The following CD247 variants were observed in gnomAD, a reference collection of about 807,000 sequenced individuals.
The protein encoded by CD247 is CD247 molecule, also known as T-cell surface glycoprotein CD3 zeta chain.
A neutral mutation model predicts 30.0 loss-of-function variants in CD247; 13 were observed. The observed-to-expected ratio is 0.43, with a 90% CI of 0.28 to 0.69. CD247 has a LOEUF of 0.69. Among genes scored for constraint, CD247 ranks in the 30% least tolerant of loss-of-function variants. The pLI is 0.16. For missense variants in CD247, 193 were observed against 212.6 expected (o/e 0.91, Z 0.57); for synonymous variants, 72 against 80.0 (o/e 0.90, Z 0.53).
intron 1 of CD247, among the ~76,000 whole-genome samples, chr1:167,491,438 C>G (rs1654446547): frequency 6.6e-6 from 1 of 152,084 alleles, no homozygotes; most frequent in South Asian, 2.1e-4. Flanking sequence ...CATGGTGGCC[C>G]ATGCCTGTAA....
At chr1:167,468,167 G>T (rs530366425) in intron 1 of CD247, among the ~76,000 whole-genome samples, 1 of 150,842 alleles carries the variant, frequency 6.6e-6, no homozygotes, top group East Asian at 1.9e-4. Flanking sequence ...AAGATTTCCA[G>T]TAAAAAAAAA....
At chr1:167,438,425 G>T in intron 4 of CD247, 145 bp downstream of exon 4, 1 of 740,272 alleles carries the variant, frequency 1.4e-6, no homozygotes, top group South Asian at 1.5e-5. Context: ...GGCAGCAAGT[G>T]GGTCTCCATC....
At chr1:167,485,402 A>G (rs1214402117) in intron 1 of CD247, among the ~76,000 whole-genome samples, 3 of 152,182 alleles carry the variant, frequency 2.0e-5, no homozygotes, top group Non-Finnish European at 2.9e-5. Context: ...ACATTGCAGA[A>G]GGAGAAGGAC....
intron 1 of CD247, among the ~76,000 whole-genome samples, chr1:167,445,869 A>G (rs1017129707): frequency 4.6e-5 from 7 of 152,104 alleles, no homozygotes; most frequent in African/African-American, 1.7e-4. Flanking sequence ...GGACTTACTC[A>G]CATCCAACTA....
chr1:167,458,587 AAG>A (rs1652826590), intron 1 of CD247: 1 of 151,964 alleles, frequency 6.6e-6, no homozygotes, highest in Non-Finnish European at 1.5e-5. Context: ...CTCATCTTTC[AAG>A]GCTCGGCTCA....
rs370501731 is a variant in CD247, at chr1:167,491,359, G to A, written c.58+27049C>T. Among the ~76,000 whole-genome samples, 59 of 152,106 alleles carry A rather than the reference G, an allele frequency of 3.9e-4. No homozygotes were observed. The South Asian group carries it at 8.5e-3, about 22-fold the overall frequency. On this transcript the variant is annotated intron_variant, in intron 1 of 7. Coordinates refer to ENST00000362089, the MANE Select transcript of CD247 (RefSeq NM_198053.3). The stretch of plus-strand genomic sequence containing the variant: ...CAAGGCGAGTGGATCACCTGAGGTC[G>A]GGAGTTCGAGACCAGCCTGACCAAC...
At position 167,433,039 on chromosome 1, in the gene CD247, G is replaced by T; in HGVS notation, c.414C>A (p.His138Gln). 1 of 1,614,206 alleles carries T rather than the reference G, an allele frequency of 6.2e-7. No homozygotes were observed. Among genetic ancestry groups the T allele is most frequent in the Non-Finnish European group, 8.5e-7 (1 of 1,180,026 alleles). ...CAGCTCCTACCTGGTAAAGGCCATCGTGCCCCTTGCCCCTCCGGCGCTGGT... is the reference window on the plus strand; with the variant it reads ...CAGCTCCTACCTGGTAAAGGCCATCTTGCCCCTTGCCCCTCCGGCGCTGGT... ...MKGERRRGKGHDGLYQGLSTA... is the reference protein window; with the variant it reads ...MKGERRRGKGQDGLYQGLSTA... The change falls in exon 7 of 8, where the codon CAC becomes CAA. Residue 138 changes from histidine (H) to glutamine (Q), a missense_variant. Coordinates refer to ENST00000362089, the MANE Select transcript of CD247 (RefSeq NM_198053.3).
chr1:167,437,295 C>T (rs549882069), intron 4 of CD247, among the ~76,000 whole-genome samples: 1 of 152,146 alleles, frequency 6.6e-6, no homozygotes, highest in Non-Finnish European at 1.5e-5. Context: ...ATCCCAGCTA[C>T]TCGGGAGGCT....
chr1:167,440,577 C>T (rs1651780442), intron 2 of CD247, 87 bp downstream of exon 2: 1 of 877,090 alleles, frequency 1.1e-6, no homozygotes, highest in Non-Finnish European at 1.9e-6. Flanking sequence ...ACCACCCGAG[C>T]TTGAGACCTT....
At chr1:167,432,537 G>T (rs2101984651) in intron 7 of CD247, among the ~76,000 whole-genome samples, 1 of 152,300 alleles carries the variant, frequency 6.6e-6, no homozygotes, top group East Asian at 1.9e-4. Context: ...TTGCATAATT[G>T]CCTGCACTGA....
intron 7 of CD247, among the ~76,000 whole-genome samples, chr1:167,432,252 TGTTTTCTTG>T (rs1468871027): frequency 7.9e-5 from 12 of 152,192 alleles, no homozygotes. Context: ...GTGATTCTAG[TGTTTTCTTG>T]GTCACGAACA....
At chr1:167,450,053 T>A (rs1652282555) in intron 1 of CD247, among the ~76,000 whole-genome samples, 1 of 152,252 alleles carries the variant, frequency 6.6e-6, no homozygotes, top group Non-Finnish European at 1.5e-5. Flanking sequence ...ATATCCTTTT[T>A]AAAGGTTGCC....
intron 1 of CD247, among the ~76,000 whole-genome samples, chr1:167,479,935 C>T (rs544876170): frequency 6.6e-6 from 1 of 152,080 alleles, no homozygotes; most frequent in South Asian, 2.1e-4. Flanking sequence ...TGCAGAGCCA[C>T]ATTTTCTACT....
chr1:167,495,979 T>A (rs1654674270), intron 1 of CD247, among the ~76,000 whole-genome samples: 1 of 152,260 alleles, frequency 6.6e-6, no homozygotes, highest in African/African-American at 2.4e-5. Flanking sequence ...TTTTTCAGTT[T>A]ACCTCGTTTA....
intron 1 of CD247, among the ~76,000 whole-genome samples, chr1:167,455,475 C>T (rs972734047): frequency 1.2e-4 from 19 of 152,232 alleles, no homozygotes; most frequent in Non-Finnish European, 2.4e-4. Flanking sequence ...CCGGCCCTTC[C>T]TCACCATGCA....
At chr1:167,444,421 G>T (rs750501181) in intron 1 of CD247, among the ~76,000 whole-genome samples, 2 of 152,160 alleles carry the variant, frequency 1.3e-5, no homozygotes, top group Non-Finnish European at 2.9e-5. Context: ...CTTCCTAGGA[G>T]GTTTCAGGGT....
At chr1:167,440,979 C>T (rs891147518) in intron 1 of CD247, among the ~76,000 whole-genome samples, 1 of 152,168 alleles carries the variant, frequency 6.6e-6, no homozygotes, top group African/African-American at 2.4e-5. Flanking sequence ...CAGATGTGGC[C>T]GCTGTGGGGC....
intron 1 of CD247, among the ~76,000 whole-genome samples, chr1:167,444,093 C>T (rs553289493): frequency 6.6e-6 from 1 of 152,352 alleles, no homozygotes; most frequent in Admixed American, 6.5e-5. Flanking sequence ...TCACTTCCCT[C>T]TCTGGGCCTC....
intron 1 of CD247, among the ~76,000 whole-genome samples, chr1:167,468,891 G>C (rs148898341): frequency 1.3e-5 from 2 of 151,622 alleles, no homozygotes; most frequent in African/African-American, 2.4e-5. Flanking sequence ...AAAATAAAGT[G>C]CTCTCTTTCC....
Sources: gnomAD v4.1 joint callset for allele counts (sites outside exome capture counted in the v4.1 genomes callset) on GRCh38, gnomAD v4.1.1 for gene constraint, MANE v1.5 for transcripts, NCBI Gene and HGNC (gene_info 2026-07-23, HGNC 2026-07-21) for gene names.